Variants in CADPS2 observed in about 807,000 individuals in gnomAD.
CADPS2 encodes the protein calcium-dependent secretion activator 2.
CADPS2 carries 93 observed loss-of-function variants against 172.5 expected under a neutral mutation model. That is an observed-to-expected ratio of 0.54 (90% CI 0.46 to 0.64). The LOEUF is 0.64. Among genes scored for constraint, CADPS2 ranks in the 30% least tolerant of loss-of-function variants. CADPS2 has a pLI of 0.00. For missense variants in CADPS2, 1,420 were observed against 1,565.9 expected (o/e 0.91, Z 1.57); for synonymous variants, 546 against 555.2 (o/e 0.98, Z 0.23).
intron 1 of CADPS2, among the ~76,000 whole-genome samples, chr7:122,858,834 A>C (rs1048500873): frequency 6.6e-6 from 1 of 152,226 alleles, no homozygotes; most frequent in African/African-American, 2.4e-5. Flanking sequence ...ACAAGTAAAA[A>C]GTGTGGTATT....
chr7:122,748,107 A>G (rs1233133562), intron 1 of CADPS2, among the ~76,000 whole-genome samples: 2 of 152,264 alleles, frequency 1.3e-5, no homozygotes, highest in Admixed American at 6.5e-5. Flanking sequence ...AAGAAAATTC[A>G]CCATTCACTA....
chr7:122,332,707 T>G (rs1043004801), intron 28 of CADPS2, among the ~76,000 whole-genome samples: 4 of 152,112 alleles, frequency 2.6e-5, no homozygotes, highest in African/African-American at 7.2e-5. Context: ...TTAGATCCTC[T>G]TCAGTTACAT....
intron 17 of CADPS2, among the ~76,000 whole-genome samples, chr7:122,420,683 C>T (rs370252936): frequency 6.6e-6 from 1 of 152,238 alleles, no homozygotes; most frequent in Non-Finnish European, 1.5e-5. Context: ...CTACATCCTT[C>T]AAGCTTCACA....
intron 28 of CADPS2, among the ~76,000 whole-genome samples, chr7:122,330,458 A>G (rs746687941): frequency 1.3e-5 from 2 of 152,124 alleles, no homozygotes; most frequent in Non-Finnish European, 2.9e-5. Flanking sequence ...TAAAACGCAA[A>G]TGTTATATTA....
intron 14 of CADPS2, among the ~76,000 whole-genome samples, chr7:122,467,776 C>A (rs752119867): frequency 6.6e-6 from 1 of 152,172 alleles, no homozygotes; most frequent in Non-Finnish European, 1.5e-5. Context: ...CGTATAACCA[C>A]ACATATCAAC....
chr7:122,375,951 C>G (rs1199190858), intron 25 of CADPS2, among the ~76,000 whole-genome samples: 1 of 151,296 alleles, frequency 6.6e-6, no homozygotes, highest in Non-Finnish European at 1.5e-5. Flanking sequence ...CTCTAATGAA[C>G]ATGTATAAAT....
intron 6 of CADPS2, among the ~76,000 whole-genome samples, chr7:122,596,046 A>C (rs2071719035): frequency 6.6e-6 from 1 of 152,054 alleles, no homozygotes; most frequent in South Asian, 2.1e-4. Context: ...GAAACCTGGT[A>C]ATCTTCACAG....
chr7:122,714,236 G>T (rs975274891), intron 2 of CADPS2, among the ~76,000 whole-genome samples: 1 of 151,886 alleles, frequency 6.6e-6, no homozygotes, highest in Non-Finnish European at 1.5e-5. Flanking sequence ...AAAAGTAAAC[G>T]ATATTCCATA....
At chr7:122,841,024 C>A (rs890438031) in intron 1 of CADPS2, among the ~76,000 whole-genome samples, 21 of 152,206 alleles carry the variant, frequency 1.4e-4, no homozygotes, top group African/African-American at 5.1e-4. Context: ...TTTTACAATA[C>A]TGTAATTTAA....
intron 17 of CADPS2, among the ~76,000 whole-genome samples, chr7:122,431,002 A>G (rs1339224766): frequency 6.6e-6 from 1 of 152,208 alleles, no homozygotes. Context: ...ACTGCCATCT[A>G]TAACCTCTGG....
At chr7:122,618,992 T>C (rs369103251) in intron 5 of CADPS2, among the ~76,000 whole-genome samples, 63 of 152,286 alleles carry the variant, frequency 4.1e-4, no homozygotes, top group African/African-American at 1.5e-3. Flanking sequence ...TTTATAAATA[T>C]GCAAACTTCT....
chr7:122,504,848 A>G (rs2059491929), intron 9 of CADPS2, among the ~76,000 whole-genome samples: 1 of 152,162 alleles, frequency 6.6e-6, no homozygotes, highest in Non-Finnish European at 1.5e-5. Flanking sequence ...TATAGGTATC[A>G]TCACCATGCC....
intron 7 of CADPS2, among the ~76,000 whole-genome samples, chr7:122,567,425 G>A (rs2066610851): frequency 6.6e-6 from 1 of 152,044 alleles, no homozygotes; most frequent in Non-Finnish European, 1.5e-5. Flanking sequence ...CATCGACTTT[G>A]GTGTGATGCA....
At chr7:122,621,272 A>C (rs1220354738) in intron 5 of CADPS2, among the ~76,000 whole-genome samples, 1 of 152,128 alleles carries the variant, frequency 6.6e-6, no homozygotes. Flanking sequence ...CTATTATTTT[A>C]TTTAATCCTA....
chr7:122,860,684 C>A (rs1185494468), intron 1 of CADPS2, among the ~76,000 whole-genome samples: 1 of 152,172 alleles, frequency 6.6e-6, no homozygotes, highest in African/African-American at 2.4e-5. Flanking sequence ...CAGGATTTCT[C>A]TTATAAAACT....
In CADPS2 at chr7:122,645,294, T is replaced by C. The variant is rs1182935901; in HGVS notation, c.787-15966A>G. Among the ~76,000 whole-genome samples the C allele has an allele frequency of 9.4e-5, 13 of 138,728 alleles. No individual in the cohort carries two copies. In the East Asian group the frequency reaches 2.3e-3, roughly 25 times the overall value. 91.0% of individuals were successfully genotyped at this position (138,728 alleles called of 152,430 possible). On this transcript the variant is annotated intron_variant, in intron 3 of 29. Transcript: ENST00000449022. ...ACATATATACACACATATGTACATATATACACATATGTACATGTGTGTATA... is the reference window on the plus strand; with the variant it reads ...ACATATATACACACATATGTACATACATACACATATGTACATGTGTGTATA...
intron 15 of CADPS2, among the ~76,000 whole-genome samples, chr7:122,443,996 AG>A (rs1461607207): frequency 6.6e-6 from 1 of 152,116 alleles, no homozygotes; most frequent in East Asian, 1.9e-4. Context: ...CCCAGATCAC[AG>A]GCAACTACTC....
intron 15 of CADPS2, among the ~76,000 whole-genome samples, chr7:122,445,568 G>A (rs1435916199): frequency 6.6e-6 from 1 of 152,108 alleles, no homozygotes; most frequent in East Asian, 1.9e-4. Flanking sequence ...TGTAATCCCA[G>A]TATTTTGGGA....
In CADPS2 at chr7:122,325,486, C is replaced by G; in HGVS notation, c.3708G>C (p.Lys1236Asn). ...LHIYQLKTLIKIVKKTYRDFR... is the reference protein window; with the variant it reads ...LHIYQLKTLINIVKKTYRDFR... ...AACACATTTTGTTTACCTTCACAATCTTGATGAGCGTCTTCAGCTGGTAAA... is the reference window on the plus strand; with the variant it reads ...AACACATTTTGTTTACCTTCACAATGTTGATGAGCGTCTTCAGCTGGTAAA... The change falls in exon 29 of 30, where the codon AAG becomes AAC. Residue 1236 changes from lysine (K) to asparagine (N), a missense_variant. By Grantham distance (94) the Lys-to-Asn change is moderately conservative. Transcript: ENST00000449022. The G allele has an allele frequency of 6.2e-7, 1 of 1,605,396 alleles. No individual in the cohort carries two copies. The highest frequency in any genetic ancestry group is 8.5e-7 in the Non-Finnish European group (1 of 1,174,608).
Sources: allele counts gnomAD v4.1 joint callset (sites outside exome capture counted in the v4.1 genomes callset), GRCh38; gene constraint gnomAD v4.1.1; transcripts MANE v1.5; gene names NCBI Gene and HGNC (gene_info 2026-07-23, HGNC 2026-07-21).